The following KIAA0232 variants were observed in gnomAD, a reference collection of about 807,000 sequenced individuals.
The protein encoded by KIAA0232 is uncharacterized protein KIAA0232.
KIAA0232 carries 27 observed loss-of-function variants against 122.0 expected under a neutral mutation model. The ratio of observed to expected loss-of-function variants is 0.22; its 90% confidence interval spans 0.16 to 0.31. The LOEUF (loss-of-function observed/expected upper bound fraction) is 0.31. Ranked by LOEUF, KIAA0232 falls within the 10% of genes least tolerant of loss-of-function variation. KIAA0232 has a pLI of 1.00. For synonymous variants in KIAA0232, 613 were observed against 587.6 expected (o/e 1.04, Z -0.63); for missense variants, 1,551 against 1,634.2 (o/e 0.95, Z 0.88).
intron 2 of KIAA0232, among the ~76,000 whole-genome samples, chr4:6,807,032 G>GTCTGTCTATCTATCTATCTATCTATCTA (rs750617409): frequency 6.2e-5 from 9 of 145,746 alleles, no homozygotes; most frequent in East Asian, 2.0e-4. Context: ...CTGTCTGTCT[G>GTCTGTCTATCTATCTATCTATCTATCTA]TCTATCTATC....
intron 2 of KIAA0232, among the ~76,000 whole-genome samples, chr4:6,817,687 A>G (rs1718200805): frequency 6.6e-6 from 1 of 152,182 alleles, no homozygotes; most frequent in South Asian, 2.1e-4. Flanking sequence ...ATCTTAGGTC[A>G]AGTTGGTTAA....
intron 2 of KIAA0232, among the ~76,000 whole-genome samples, chr4:6,814,798 A>G (rs1163529098): frequency 6.6e-6 from 1 of 152,120 alleles, no homozygotes; most frequent in Non-Finnish European, 1.5e-5. Context: ...TCGCCATCCT[A>G]CCTCCGTGAA....
In KIAA0232 at chr4:6,842,100, G is replaced by A. The variant is rs1719696458; in HGVS notation, c.265G>A (p.Ala89Thr). ...NDIFLGWEKG[A>T]YKKWGKSKKK... ...CATCTTCCTGGGCTGGGAAAAAGGAGCTTATAAGAAATGGGGAAAGAGTAA... is the reference window on the plus strand; with the variant it reads ...CATCTTCCTGGGCTGGGAAAAAGGAACTTATAAGAAATGGGGAAAGAGTAA... The change falls in exon 4 of 10, where the codon GCT (alanine) becomes ACT (threonine). Residue 89 changes from alanine (A) to threonine (T), a missense_variant. Around this residue, in one of 5 missense-constraint regions of KIAA0232, gnomAD observed 377 missense variants for 381.7 expected, o/e 0.99. Transcript: ENST00000307659. 6.2e-7 allele frequency: 1 copy of A among 1,613,530 alleles called. No homozygotes were observed. The highest frequency in any genetic ancestry group is 8.5e-7 in the Non-Finnish European group (1 of 1,179,842).
At chr4:6,807,108 C>G (rs1400047729) in intron 2 of KIAA0232, among the ~76,000 whole-genome samples, 2 of 151,430 alleles carry the variant, frequency 1.3e-5, no homozygotes, top group Non-Finnish European at 2.9e-5. Context: ...CTATGTTGCC[C>G]AAGTTGGCCC....
At chr4:6,841,754 C>T (rs1719673185) in intron 3 of KIAA0232, among the ~76,000 whole-genome samples, 1 of 152,084 alleles carries the variant, frequency 6.6e-6, no homozygotes, top group Admixed American at 6.6e-5. Context: ...GACAAAAGTG[C>T]AAGACTTGTG....
At chr4:6,832,759 G>T (rs1191666661) in intron 3 of KIAA0232, among the ~76,000 whole-genome samples, 1 of 152,210 alleles carries the variant, frequency 6.6e-6, no homozygotes, top group East Asian at 1.9e-4. Context: ...ATAGCCACAT[G>T]TTTCTTTCTC....
intron 3 of KIAA0232, 72 bp from the exon 4 acceptor site, chr4:6,841,995 G>T (rs1168099365): frequency 1.2e-5 from 18 of 1,544,240 alleles, no homozygotes; most frequent in Non-Finnish European, 1.6e-5. Flanking sequence ...GTGACTGAGT[G>T]TGTGTGGTAG....
chr4:6,870,613 G>C (rs1314748105), intron 7 of KIAA0232, among the ~76,000 whole-genome samples: 1 of 152,154 alleles, frequency 6.6e-6, no homozygotes, highest in Non-Finnish European at 1.5e-5. Context: ...GACCAGCCTG[G>C]CCAACGTGGC....
At chr4:6,842,340 C>T (rs1455778234) in intron 4 of KIAA0232, 136 bp downstream of exon 4, 1 of 827,732 alleles carries the variant, frequency 1.2e-6, no homozygotes, top group Non-Finnish European at 1.8e-6. Context: ...ATGAACATTA[C>T]CACTTTTCCT....
chr4:6,808,517 T>C (rs888179109), intron 2 of KIAA0232, among the ~76,000 whole-genome samples: 2 of 147,594 alleles, frequency 1.4e-5, no homozygotes, highest in Non-Finnish European at 3.0e-5. Context: ...GTGGGAAGAG[T>C]ACAAGTTGCT....
intron 4 of KIAA0232, among the ~76,000 whole-genome samples, chr4:6,851,585 C>T (rs145742738): frequency 3.3e-5 from 5 of 151,822 alleles, no homozygotes; most frequent in East Asian, 1.9e-4. Context: ...TGGTGGCACA[C>T]GCCTGAGTCC....
chr4:6,824,845 A>G (rs1718594839), intron 3 of KIAA0232, among the ~76,000 whole-genome samples, 161 bp downstream of exon 3: 1 of 152,216 alleles, frequency 6.6e-6, no homozygotes, highest in African/African-American at 2.4e-5. Context: ...TGGAGTGTCA[A>G]TCAGCCTGTG....
intron 1 of KIAA0232, among the ~76,000 whole-genome samples, chr4:6,800,021 C>G (rs1438639079): frequency 1.1e-5 from 1 of 92,706 alleles, no homozygotes; most frequent in African/African-American, 4.0e-5. Context: ...ACTCTGTTTT[C>G]TTTTTCTTTC....
chr4:6,868,977 T>C (rs1199236592), intron 7 of KIAA0232, among the ~76,000 whole-genome samples: 1 of 152,192 alleles, frequency 6.6e-6, no homozygotes, highest in Non-Finnish European at 1.5e-5. Flanking sequence ...AGTCAGAGAC[T>C]GTTGGCCTGG....
intron 2 of KIAA0232, among the ~76,000 whole-genome samples, chr4:6,810,373 T>C (rs1209381320): frequency 6.6e-6 from 1 of 152,158 alleles, no homozygotes; most frequent in African/African-American, 2.4e-5. Context: ...TGGATTGCCC[T>C]GTGCATAAGA....
intron 2 of KIAA0232, among the ~76,000 whole-genome samples, chr4:6,819,871 A>T (rs1002768865): frequency 1.2e-4 from 19 of 152,330 alleles, no homozygotes; most frequent in African/African-American, 4.1e-4. Context: ...AGTGGATTGC[A>T]TAAATAAAAT....
rs748014042 is a variant in KIAA0232, at chr4:6,862,095, C to G, written c.1713C>G (p.Thr571=). ...QGERAIWTDS[T]SSVGAEGLFL... ...AACGTGCAATATGGACAGATTCTAC[C>G]AGCTCCGTAGGTGCTGAGGGCTTAT... The change falls in exon 7 of 10, where the codon ACC becomes ACG. Residue 571 remains threonine, a synonymous_variant. Coordinates refer to ENST00000307659, the MANE Select transcript of KIAA0232 (RefSeq NM_014743.3). 3.7e-6 allele frequency: 6 copies of G among 1,614,120 alleles called. No individual in the cohort carries two copies. Among genetic ancestry groups the G allele is most frequent in the Non-Finnish European group, 4.2e-6 (5 of 1,180,020 alleles).
intron 2 of KIAA0232, among the ~76,000 whole-genome samples, chr4:6,818,381 C>A: frequency 7.4e-6 from 1 of 134,426 alleles, no homozygotes; most frequent in African/African-American, 2.8e-5. Context: ...GCCTGGGCAA[C>A]AGAGCAAGAC....
intron 9 of KIAA0232, 50 bp downstream of exon 9, chr4:6,876,807 C>T (rs1238288843): frequency 7.8e-7 from 1 of 1,284,542 alleles, no homozygotes; most frequent in Admixed American, 1.7e-5. Flanking sequence ...CAGCCACCAC[C>T]TCCAGTTGTC....
Sources: gnomAD v4.1 joint callset for allele counts (sites outside exome capture counted in the v4.1 genomes callset) on GRCh38, gnomAD v4.1.1 for gene constraint, gnomAD v4.1.1 regional missense constraint, MANE v1.5 for transcripts, NCBI Gene and HGNC (gene_info 2026-07-23, HGNC 2026-07-21) for gene names.